The following HS6ST3 variants were observed in gnomAD, a reference collection of about 807,000 sequenced individuals.
HS6ST3 encodes heparan-sulfate 6-O-sulfotransferase 3.
In HS6ST3, 12 loss-of-function variants were observed where a neutral mutation model predicts 36.7. The ratio of observed to expected loss-of-function variants is 0.33; its 90% confidence interval spans 0.21 to 0.53. The LOEUF (loss-of-function observed/expected upper bound fraction) is 0.53. Among genes scored for constraint, HS6ST3 ranks in the 20% least tolerant of loss-of-function variants. HS6ST3 has a pLI of 0.95. For missense variants in HS6ST3, 584 were observed against 640.9 expected (o/e 0.91, Z 0.96); for synonymous variants, 240 against 257.5 (o/e 0.93, Z 0.65).
At chr13:96,528,008 C>G (rs2056120993) in intron 1 of HS6ST3, among the ~76,000 whole-genome samples, 1 of 152,130 alleles carries the variant, frequency 6.6e-6, no homozygotes, top group Non-Finnish European at 1.5e-5. Flanking sequence ...CATTCAGGAC[C>G]AACACACATA....
At chr13:96,478,364 C>T (rs1387109160) in intron 1 of HS6ST3, among the ~76,000 whole-genome samples, 3 of 152,112 alleles carry the variant, frequency 2.0e-5, no homozygotes, top group African/African-American at 7.2e-5. Flanking sequence ...AGGCAGTCAT[C>T]GCCGGAGTCC....
intron 1 of HS6ST3, among the ~76,000 whole-genome samples, chr13:96,413,569 A>G (rs945856032): frequency 6.6e-6 from 1 of 152,222 alleles, no homozygotes; most frequent in Admixed American, 6.5e-5. Context: ...CAATTTTTAG[A>G]AGAAGTCTTC....
rs1003943845 is a variant in HS6ST3 at position 96,091,196 on chromosome 13, C to T, written c.334C>T (p.Pro112Ser). 13 of 1,556,650 alleles carry T rather than the reference C, an allele frequency of 8.4e-6. No homozygotes were observed. The highest frequency in any genetic ancestry group is 2.4e-5 in the East Asian group (1 of 41,190). The change falls in exon 1 of 2, where the codon CCC (proline) becomes TCC (serine). Residue 112 changes from proline (P) to serine (S), a missense_variant. Transcript: ENST00000376705. ...EEEEEEDEPD[P>S]EAPENGSLPR... ...AGAGGAGGAGGAAGACGAGCCGGAC[C>T]CCGAGGCCCCGGAAAACGGCTCCCT...
In HS6ST3 at chr13:96,090,815, TGCC is replaced by T. The variant is rs759363125; in HGVS notation, c.-30_-28del. The T allele has an allele frequency of 2.5e-3, 3,440 of 1,392,686 alleles. No homozygotes were observed. Among genetic ancestry groups the T allele is most frequent in the South Asian group, 6.7e-3 (461 of 68,336 alleles). The allele number at this position is 1,392,686 out of a possible 1,614,324, so 86.3% of individuals were successfully genotyped here. A position where few individuals can be genotyped will look rare whatever the true frequency, so the allele number is the denominator to read the frequency against. Reference sequence around the variant, plus strand: ...CTTCCGAGCGGGCGCCCGTCCGCCCTGCCGCCGCCGCCGCCGCCGCTTCGCCTG... The same window carrying T: ...CTTCCGAGCGGGCGCCCGTCCGCCCTGCCGCCGCCGCCGCCGCTTCGCCTG... On this transcript the variant is annotated 5_prime_UTR_variant, in exon 1 of 2. Transcript: ENST00000376705.
intron 1 of HS6ST3, among the ~76,000 whole-genome samples, chr13:96,519,239 C>G (rs2056084132): frequency 6.6e-6 from 1 of 152,156 alleles, no homozygotes; most frequent in South Asian, 2.1e-4. Flanking sequence ...GACTGGTGGT[C>G]TCAGTTCTGA....
chr13:96,763,385 G>A (rs1877015288), intron 1 of HS6ST3, among the ~76,000 whole-genome samples: 1 of 150,660 alleles, frequency 6.6e-6, no homozygotes, highest in African/African-American at 2.4e-5. Context: ...CAGCTACTCA[G>A]GAGGCTGAAG....
chr13:96,776,796 A>G (rs540004364), intron 1 of HS6ST3, among the ~76,000 whole-genome samples: 2 of 152,198 alleles, frequency 1.3e-5, no homozygotes, highest in Non-Finnish European at 2.9e-5. Flanking sequence ...TTCTGAAACT[A>G]TTCCAAACAA....
At chr13:96,588,684 C>T (rs947985686) in intron 1 of HS6ST3, among the ~76,000 whole-genome samples, 1 of 151,988 alleles carries the variant, frequency 6.6e-6, no homozygotes, top group Non-Finnish European at 1.5e-5. Flanking sequence ...GTGTATTGGT[C>T]TGAATTTTTA....
At chr13:96,195,374 A>G (rs559801800) in intron 1 of HS6ST3, among the ~76,000 whole-genome samples, 3 of 152,338 alleles carry the variant, frequency 2.0e-5, no homozygotes, top group East Asian at 3.9e-4. Context: ...CGGTTTTTAA[A>G]AAAACACTCT....
intron 1 of HS6ST3, among the ~76,000 whole-genome samples, chr13:96,816,376 C>T (rs556193679): frequency 6.6e-6 from 1 of 152,346 alleles, no homozygotes; most frequent in South Asian, 2.1e-4. Context: ...ATGCAGTTTA[C>T]ATCAACGTTT....
intron 1 of HS6ST3, among the ~76,000 whole-genome samples, chr13:96,341,164 G>A (rs1051518627): frequency 5.3e-5 from 8 of 152,200 alleles, no homozygotes; most frequent in African/African-American, 9.6e-5. Flanking sequence ...ACAGTGTTTC[G>A]AAGTGGTATA....
At position 96,091,026 on chromosome 13, in the gene HS6ST3, C is replaced by G; in HGVS notation, c.164C>G (p.Ala55Gly). ...GGCCCGCCCGCCGTCCCGGGTCCCG[C>G]CCGCCGGGCTCAGGCGCCGCCGGAG... ...EAGPPAVPGPARRAQAPPEEW... is the reference protein window; with the variant it reads ...EAGPPAVPGPGRRAQAPPEEW... The change falls in exon 1 of 2, where the codon GCC becomes GGC. Residue 55 changes from alanine to glycine, a missense_variant. Physicochemically the swap from Ala to Gly is moderately conservative, Grantham distance 60. Coordinates refer to ENST00000376705, the MANE Select transcript of HS6ST3 (RefSeq NM_153456.4). 2 of 1,251,098 alleles carry G rather than the reference C, an allele frequency of 1.6e-6. No homozygotes were observed. Among genetic ancestry groups the G allele is most frequent in the Non-Finnish European group, 2.0e-6 (2 of 996,050 alleles). 77.5% of individuals were successfully genotyped at this position (1,251,098 alleles called of 1,614,324 possible).
At chr13:96,526,773 G>T (rs2056116111) in intron 1 of HS6ST3, among the ~76,000 whole-genome samples, 1 of 152,148 alleles carries the variant, frequency 6.6e-6, no homozygotes, top group South Asian at 2.1e-4. Context: ...CTGTGATCTA[G>T]TTTCTTCCCC....
At chr13:96,245,911 A>G (rs1042292001) in intron 1 of HS6ST3, among the ~76,000 whole-genome samples, 1 of 152,154 alleles carries the variant, frequency 6.6e-6, no homozygotes, top group Non-Finnish European at 1.5e-5. Flanking sequence ...ATCCTGGGAT[A>G]ATAGGGAATA....
At chr13:96,368,829 T>A (rs976195105) in intron 1 of HS6ST3, among the ~76,000 whole-genome samples, 1 of 152,090 alleles carries the variant, frequency 6.6e-6, no homozygotes, top group Non-Finnish European at 1.5e-5. Context: ...GATTTAAGAG[T>A]GGGACTACGG....
chr13:96,577,820 T>A (rs1474566356), intron 1 of HS6ST3, among the ~76,000 whole-genome samples: 1 of 152,192 alleles, frequency 6.6e-6, no homozygotes, highest in Non-Finnish European at 1.5e-5. Context: ...AGAATGGCGA[T>A]CATTAAAAAG....
intron 1 of HS6ST3, among the ~76,000 whole-genome samples, chr13:96,757,277 A>G (rs1305483694): frequency 6.6e-6 from 1 of 152,198 alleles, no homozygotes; most frequent in Non-Finnish European, 1.5e-5. Context: ...AGCTAGAGGC[A>G]AGCCAGTGAG....
intron 1 of HS6ST3, among the ~76,000 whole-genome samples, chr13:96,114,206 C>T (rs900980666): frequency 1.3e-5 from 2 of 151,642 alleles, no homozygotes; most frequent in Non-Finnish European, 2.9e-5. Flanking sequence ...GGCTGGACTG[C>T]AATTATGTGA....
chr13:96,191,540 T>A (rs1295944554), intron 1 of HS6ST3, among the ~76,000 whole-genome samples: 8 of 152,182 alleles, frequency 5.3e-5, no homozygotes. Context: ...GTGTTTTTCT[T>A]CCCTAGCAAC....
Sources: gnomAD v4.1 joint callset for allele counts (sites outside exome capture counted in the v4.1 genomes callset) on GRCh38, gnomAD v4.1.1 for gene constraint, MANE v1.5 for transcripts, NCBI Gene and HGNC (gene_info 2026-07-23, HGNC 2026-07-21) for gene names.